CAMTA1: variants seen among roughly 807,000 people sequenced by gnomAD.
CAMTA1 encodes the protein calmodulin binding transcription activator 1, also known as calmodulin-binding transcription activator 1.
A neutral mutation model predicts 170.9 loss-of-function variants in CAMTA1; 27 were observed. That is an observed-to-expected ratio of 0.16 (90% CI 0.12 to 0.22). CAMTA1 has a LOEUF of 0.22. Among genes scored for constraint, CAMTA1 ranks in the 10% least tolerant of loss-of-function variants. CAMTA1 has a pLI of 1.00. For synonymous variants in CAMTA1, 833 were observed against 891.5 expected (o/e 0.93, Z 1.17); for missense variants, 1,619 against 2,217.2 (o/e 0.73, Z 5.42).
At chr1:7,091,266 C>A in intron 3 of CAMTA1, 38 bp from the exon 4 acceptor site, 1 of 1,452,738 alleles carries the variant, frequency 6.9e-7, no homozygotes, top group Non-Finnish European at 9.7e-7. Context: ...CCAATGTGAG[C>A]TAATTGTTGT....
At chr1:7,487,325 C>T (rs1400655167) in intron 6 of CAMTA1, among the ~76,000 whole-genome samples, 2 of 152,172 alleles carry the variant, frequency 1.3e-5, no homozygotes, top group African/African-American at 2.4e-5. Flanking sequence ...AAGCCCCACC[C>T]CAGCTCTGGG....
chr1:7,030,271 G>A (rs1291222932), intron 3 of CAMTA1, among the ~76,000 whole-genome samples: 2 of 151,934 alleles, frequency 1.3e-5, no homozygotes, highest in East Asian at 3.8e-4. Context: ...TTTTTCAAGG[G>A]GATATATTTT....
chr1:7,594,600 G>C (rs1483772087), intron 6 of CAMTA1, among the ~76,000 whole-genome samples: 1 of 152,220 alleles, frequency 6.6e-6, no homozygotes, highest in African/African-American at 2.4e-5. Flanking sequence ...CTACTGGAAG[G>C]CCCTCTCAGG....
intron 6 of CAMTA1, among the ~76,000 whole-genome samples, chr1:7,568,894 A>G (rs1038608449): frequency 6.6e-5 from 10 of 151,282 alleles, no homozygotes; most frequent in African/African-American, 1.9e-4. Context: ...CATCACCATC[A>G]CCACCACCAT....
rs544234577 is a variant in CAMTA1 at position 7,498,441 on chromosome 1, G to A, written c.510+30540G>A. 3.7e-4 allele frequency among the ~76,000 whole-genome samples: 56 copies of A among 151,034 alleles called. No homozygotes were observed. The Middle Eastern group carries it at 0.01, about 28-fold the overall frequency. On this transcript the variant is annotated intron_variant, in intron 6 of 22. Transcript: ENST00000303635. The stretch of plus-strand genomic sequence containing the variant: ...AGTGTGTGGATGTGCGTGTGTATGA[G>A]TGTGTGTGAATGTGCATGACAGTGT...
rs2095758986 is a variant in CAMTA1 at position 7,641,311 on chromosome 1, T to C, written c.664+758T>C. Among the ~76,000 whole-genome samples the C allele has an allele frequency of 6.6e-6, 1 of 152,018 alleles. No individual in the cohort carries two copies. Among genetic ancestry groups the C allele is most frequent in the Non-Finnish European group, 1.5e-5 (1 of 67,992 alleles). ...AGTGGTGGACACGTAGCCCACGGGG[T>C]TCAGGGACATTGATGGCCAGGGCTC... On this transcript the variant is annotated intron_variant, in intron 7 of 22. Coordinates refer to ENST00000303635, the MANE Select transcript of CAMTA1 (RefSeq NM_015215.4). The surrounding 1 kb of genome is among the most constrained non-coding windows in gnomAD (Gnocchi z 4.5).
Position 7,580,210 on chromosome 1 carries a change from AC to A in CAMTA1, c.511-60188del, listed in dbSNP as rs891664904. The stretch of plus-strand genomic sequence containing the variant: ...TCCTGGCCAAGGTCTTTGTGTTCAG[AC>A]CAGAAGAGGAAGGAGGGCTCCCTCC... On this transcript the variant is annotated intron_variant, in intron 6 of 22. Transcript: ENST00000303635. This position sits in a 1 kb window ranked among gnomAD's most constrained non-coding sequence, Gnocchi z 4.3. Among the ~76,000 whole-genome samples the A allele has an allele frequency of 6.6e-6, 1 of 152,132 alleles. No homozygotes were observed. Among genetic ancestry groups the A allele is most frequent in the African/African-American group, 2.4e-5 (1 of 41,432 alleles).
intron 5 of CAMTA1, among the ~76,000 whole-genome samples, chr1:7,290,576 C>G (rs1001422989): frequency 7.9e-5 from 12 of 152,136 alleles, no homozygotes; most frequent in African/African-American, 2.2e-4. Flanking sequence ...TGCAACCACC[C>G]CCCCCATGCA....
chr1:7,074,485 GTT>G (rs770086054), intron 3 of CAMTA1, among the ~76,000 whole-genome samples: 1 of 152,172 alleles, frequency 6.6e-6, no homozygotes, highest in Non-Finnish European at 1.5e-5. Context: ...TGCTGTTAAT[GTT>G]TTAGTGAATT....
At chr1:7,501,973 A>C (rs1348289705) in intron 6 of CAMTA1, among the ~76,000 whole-genome samples, 3 of 152,192 alleles carry the variant, frequency 2.0e-5, no homozygotes, top group Non-Finnish European at 4.4e-5. Flanking sequence ...TGAGTCTCTG[A>C]GACTGCAGAG....
chr1:7,130,672 T>G (rs986210533), intron 4 of CAMTA1, among the ~76,000 whole-genome samples: 2 of 152,208 alleles, frequency 1.3e-5, no homozygotes, highest in South Asian at 2.1e-4. Flanking sequence ...ATCTAGTGTA[T>G]GTGTGGACGC....
intron 7 of CAMTA1, among the ~76,000 whole-genome samples, chr1:7,649,589 C>CG (rs1553233664): frequency 6.6e-6 from 1 of 152,072 alleles, no homozygotes; most frequent in Non-Finnish European, 1.5e-5. Flanking sequence ...TCCTACTTTG[C>CG]TCCAGGATCC....
chr1:7,112,884 C>T (rs867660468), intron 4 of CAMTA1, among the ~76,000 whole-genome samples: 5 of 152,314 alleles, frequency 3.3e-5, no homozygotes, highest in South Asian at 2.1e-4. Flanking sequence ...CTTCCTTGCG[C>T]GGAGGTGGGG....
At chr1:7,008,149 G>A (rs187152196) in intron 3 of CAMTA1, among the ~76,000 whole-genome samples, 14 of 152,278 alleles carry the variant, frequency 9.2e-5, no homozygotes, top group Non-Finnish European at 1.2e-4. Flanking sequence ...GGTGGAGCTC[G>A]GTTTTCCGTC....
rs1376038510 is a variant in CAMTA1 at position 7,670,796 on chromosome 1, A to G, written c.2653-115A>G. 3.4e-6 allele frequency: 4 copies of G among 1,184,734 alleles called. No homozygotes were observed. In the Admixed American group the frequency reaches 6.5e-5, roughly 19 times the overall value. 73.4% of individuals were successfully genotyped at this position (1,184,734 alleles called of 1,614,324 possible). ...CTGGAGTGAGGGCCTGGGAATCTGC[A>G]TGGGGCGAGGGGTACAGACCCCCAT... On this transcript the variant is annotated intron_variant, in intron 9 of 22. Coordinates refer to ENST00000303635, the MANE Select transcript of CAMTA1 (RefSeq NM_015215.4).
chr1:7,360,932 C>T (rs150439180), intron 5 of CAMTA1, among the ~76,000 whole-genome samples: 2 of 151,838 alleles, frequency 1.3e-5, no homozygotes, highest in African/African-American at 4.8e-5. Context: ...TCACATAAAT[C>T]TGTCTGTGCT....
Position 7,664,410 on chromosome 1 carries a change from C to T in CAMTA1, c.1863C>T (p.Ala621=), listed in dbSNP as rs1203764962. 2 of 1,613,532 alleles carry T rather than the reference C, an allele frequency of 1.2e-6. No individual in the cohort carries two copies. The highest frequency in any genetic ancestry group is 2.2e-5 in the South Asian group (2 of 91,082). The change falls in exon 9 of 23, where the codon GCC becomes GCT. Residue 621 remains alanine, a synonymous_variant. Transcript: ENST00000303635. The stretch of plus-strand genomic sequence containing the variant: ...CCCCGAGCTTCTTCCTGCAGGACGC[C>T]AGCAAACCCCTCCCCGTCGAGCAGA... ...TPSPSFFLQD[A]SKPLPVEQNT...
At chr1:6,864,920 C>G (rs1666069853) in intron 3 of CAMTA1, among the ~76,000 whole-genome samples, 1 of 152,042 alleles carries the variant, frequency 6.6e-6, no homozygotes. Context: ...TGAGCCTGTG[C>G]CAGAGTGGAT....
At chr1:7,599,253 C>T (rs1448462347) in intron 6 of CAMTA1, among the ~76,000 whole-genome samples, 2 of 152,128 alleles carry the variant, frequency 1.3e-5, no homozygotes, top group Non-Finnish European at 2.9e-5. Context: ...TAGGTGTAGA[C>T]ATGCAGCATT....
Sources: gnomAD v4.1 joint callset for allele counts (sites outside exome capture counted in the v4.1 genomes callset) on GRCh38, gnomAD v4.1.1 for gene constraint, Gnocchi (gnomAD v3.1) non-coding constraint, MANE v1.5 for transcripts, NCBI Gene and HGNC (gene_info 2026-07-23, HGNC 2026-07-21) for gene names.